PRSS21: variants seen among roughly 807,000 people sequenced by gnomAD.
The protein encoded by PRSS21 is serine protease 21, also known as testisin.
PRSS21 carries 40 observed loss-of-function variants against 31.1 expected under a neutral mutation model. The observed-to-expected ratio is 1.29, with a 90% CI of 1.00 to 1.68. PRSS21 has a LOEUF of 1.68. Among genes scored for constraint, PRSS21 ranks in the 40% most tolerant of loss-of-function variants. The pLI is 0.00. For missense variants in PRSS21, 467 were observed against 412.6 expected (o/e 1.13, Z -1.14); for synonymous variants, 186 against 167.7 (o/e 1.11, Z -0.84).
chr16:2,818,663 T>G lies in PRSS21; in HGVS notation c.258-14T>G. On this transcript the variant is annotated splice_polypyrimidine_tract_variant and intron_variant, in intron 3 of 5. Transcript: ENST00000005995. The stretch of plus-strand genomic sequence containing the variant: ...CCATCCAGGGCCCCTGACTGCTCTC[T>G]TCTCTTCTGCCAGCTATAGTGACCT... 2 of 1,612,168 alleles carry G rather than the reference T, an allele frequency of 1.2e-6. No homozygotes were observed. Among genetic ancestry groups the G allele is most frequent in the Non-Finnish European group, 1.7e-6 (2 of 1,178,594 alleles).
rs2069158344 is a variant in PRSS21 at position 2,820,797 on chromosome 16, T to C, written c.551-158T>C. Among the ~76,000 whole-genome samples, 2 of 152,130 alleles carry C rather than the reference T, an allele frequency of 1.3e-5. 1 individual carries two copies. Among genetic ancestry groups the C allele is most frequent in the South Asian group, 4.1e-4 (2 of 4,828 alleles). ...GCCTTCTGTGATGCTGCTGAGGGCC[T>C]CTGTTGTGCTGGGGTCTGGGTTGGA... is the stretch of plus-strand genomic sequence containing the variant. On this transcript the variant is annotated intron_variant, in intron 4 of 5. Coordinates refer to ENST00000005995, the MANE Select transcript of PRSS21 (RefSeq NM_006799.4).
At chr16:2,820,557 C>T (rs1427481624) in intron 4 of PRSS21, among the ~76,000 whole-genome samples, 1 of 152,130 alleles carries the variant, frequency 6.6e-6, no homozygotes, top group Non-Finnish European at 1.5e-5. Flanking sequence ...TGGAAAGCGC[C>T]CAGCTGCTAC....
At position 2,818,792 on chromosome 16, in the gene PRSS21, T is replaced by C. The variant is rs1303700000; in HGVS notation, c.373T>C (p.Tyr125His). ...CACCCGTTACTTCGTATCGAATATCTATCTGAGCCCTCGCTACCTGGGGAA... is the reference window on the plus strand; with the variant it reads ...CACCCGTTACTTCGTATCGAATATCCATCTGAGCCCTCGCTACCTGGGGAA... Reference protein sequence around the residue: ...YYTRYFVSNIYLSPRYLGNSP... With the variant: ...YYTRYFVSNIHLSPRYLGNSP... Residue 125 changes from tyrosine (Y) to histidine (H), a missense_variant, in exon 4 of 6, where the codon TAT (tyrosine) becomes CAT (histidine). By Grantham distance (83) the Tyr-to-His change is moderately conservative. Coordinates refer to ENST00000005995, the MANE Select transcript of PRSS21 (RefSeq NM_006799.4). The C allele has an allele frequency of 1.9e-6, 3 of 1,613,590 alleles. No homozygotes were observed. Among genetic ancestry groups the C allele is most frequent in the Admixed American group, 3.3e-5 (2 of 60,028 alleles).
In PRSS21 at chr16:2,818,845, G is replaced by C. The variant is rs369869948; in HGVS notation, c.426G>C (p.Lys142Asn). The C allele has an allele frequency of 9.3e-6, 15 of 1,613,970 alleles. No homozygotes were observed. Among genetic ancestry groups the C allele is most frequent in the Non-Finnish European group, 1.3e-5 (15 of 1,179,812 alleles). ...CACCCTATGACATTGCCTTGGTGAA[G>C]CTGTCTGCACCTGTCACCTACACTA... is the stretch of plus-strand genomic sequence containing the variant. ...GNSPYDIALV[K>N]LSAPVTYTKH... is the part of the protein sequence containing the mutation. Residue 142 changes from lysine (K) to asparagine (N), a missense_variant, in exon 4 of 6, where the codon AAG becomes AAC. By Grantham distance (94) the Lys-to-Asn change is moderately conservative. Coordinates refer to ENST00000005995, the MANE Select transcript of PRSS21 (RefSeq NM_006799.4).
rs2069087845 is a variant in PRSS21, at chr16:2,817,279, G to C, written c.11G>C (p.Arg4Pro). 1 of 1,535,338 alleles carries C rather than the reference G, an allele frequency of 6.5e-7. No individual in the cohort carries two copies. Among genetic ancestry groups the C allele is most frequent in the East Asian group, 2.5e-5 (1 of 40,614 alleles). Residue 4 changes from arginine to proline, a missense_variant, in exon 1 of 6, where the codon CGC becomes CCC. Arg to Pro is a moderately radical substitution (Grantham distance 103). Coordinates refer to ENST00000005995, the MANE Select transcript of PRSS21 (RefSeq NM_006799.4). The surrounding 1 kb of genome is among the most constrained non-coding windows in gnomAD (Gnocchi z 4.2). ...GCGGGAGAGGAGGCCATGGGCGCGC[G>C]CGGGGCGCTGCTGCTGGCGCTGCTG... Reference protein sequence around the residue: MGARGALLLALLLA... With the variant: MGAPGALLLALLLA...
At position 2,817,495 on chromosome 16, in the gene PRSS21, T is replaced by C. The variant is rs1596313420; in HGVS notation, c.91+39T>C. On this transcript the variant is annotated intron_variant, in intron 2 of 5. Coordinates refer to ENST00000005995, the MANE Select transcript of PRSS21 (RefSeq NM_006799.4). This position sits in a 1 kb window ranked among gnomAD's most constrained non-coding sequence, Gnocchi z 4.2. Reference sequence around the variant, plus strand: ...GACGCGCGATTCCTGCCAGGGCCGTTGGGCCGAGGTGGACGGGGGGCGGTG... The same window carrying C: ...GACGCGCGATTCCTGCCAGGGCCGTCGGGCCGAGGTGGACGGGGGGCGGTG... The C allele has an allele frequency of 7.5e-7, 1 of 1,326,700 alleles. No homozygotes were observed. Among genetic ancestry groups the C allele is most frequent in the African/African-American group, 1.8e-5 (1 of 55,700 alleles). 82.2% of individuals were successfully genotyped at this position (1,326,700 alleles called of 1,614,324 possible).
At chr16:2,819,683 A>G (rs11865057) in intron 4 of PRSS21, among the ~76,000 whole-genome samples, 1 of 152,070 alleles carries the variant, frequency 6.6e-6, no homozygotes, top group Admixed American at 6.5e-5. Context: ...ACTGTTCTAG[A>G]CATGGGGGCC....
At position 2,818,701 on chromosome 16, in the gene PRSS21, C is replaced by T. The variant is rs202062012; in HGVS notation, c.282C>T (p.Ser94=). ...FETYSDLSDP[S]GWMVQFGQLT... ...GCTATAGTGACCTTAGTGATCCCTCCGGGTGGATGGTCCAGTTTGGCCAGC... is the reference window on the plus strand; with the variant it reads ...GCTATAGTGACCTTAGTGATCCCTCTGGGTGGATGGTCCAGTTTGGCCAGC... The change falls in exon 4 of 6, where the codon TCC becomes TCT. Residue 94 remains serine, a synonymous_variant. Coordinates refer to ENST00000005995, the MANE Select transcript of PRSS21 (RefSeq NM_006799.4). The T allele has an allele frequency of 6.1e-5, 99 of 1,614,054 alleles. No homozygotes were observed. The highest frequency in any genetic ancestry group is 4.9e-4 in the Middle Eastern group (3 of 6,080).
In PRSS21 at chr16:2,821,382, C is replaced by G; in HGVS notation, c.722C>G (p.Pro241Arg). The G allele has an allele frequency of 6.2e-7, 1 of 1,614,192 alleles. No individual in the cohort carries two copies. Among genetic ancestry groups the G allele is most frequent in the Non-Finnish European group, 8.5e-7 (1 of 1,180,024 alleles). The change falls in exon 6 of 6, where the codon CCC becomes CGC. Residue 241 changes from proline (P) to arginine (R), a missense_variant. Pro to Arg is a moderately radical substitution (Grantham distance 103). Coordinates refer to ENST00000005995, the MANE Select transcript of PRSS21 (RefSeq NM_006799.4). ...GCTCCCCAGGGTGACTCAGGTGGAC[C>G]CTTGGCCTGTAACAAGAATGGACTG... ...KDACFGDSGG[P>R]LACNKNGLWY...
At chr16:2,821,273 A>C (rs2069170915) in intron 5 of PRSS21, 93 bp from the exon 6 acceptor site, 1 of 1,548,650 alleles carries the variant, frequency 6.5e-7, no homozygotes, top group South Asian at 1.2e-5. Context: ...ATGTGCACCC[A>C]GTCTACCCAG....
chr16:2,817,636 C>T lies in PRSS21; in HGVS notation c.92-165C>T, dbSNP rs967022160. 1.4e-5 allele frequency: 18 copies of T among 1,260,584 alleles called. No homozygotes were observed. The Admixed American group carries it at 3.7e-4, about 26-fold the overall frequency. The allele number at this position is 1,260,584 out of a possible 1,614,324, so 78.1% of individuals were successfully genotyped here. Reference sequence around the variant, plus strand: ...AGGGGGATGGGCGGGCCCTGCAGAGCACGTGGGAGGATCTCCAGTGTCACC... The same window carrying T: ...AGGGGGATGGGCGGGCCCTGCAGAGTACGTGGGAGGATCTCCAGTGTCACC... On this transcript the variant is annotated intron_variant, in intron 2 of 5. Coordinates refer to ENST00000005995, the MANE Select transcript of PRSS21 (RefSeq NM_006799.4). This position sits in a 1 kb window ranked among gnomAD's most constrained non-coding sequence, Gnocchi z 4.2.
In PRSS21 at chr16:2,817,751, G is replaced by T. The variant is rs1314568251; in HGVS notation, c.92-50G>T. On this transcript the variant is annotated intron_variant, in intron 2 of 5. Coordinates refer to ENST00000005995, the MANE Select transcript of PRSS21 (RefSeq NM_006799.4). The surrounding 1 kb of genome is among the most constrained non-coding windows in gnomAD (Gnocchi z 4.2). The stretch of plus-strand genomic sequence containing the variant: ...TTGAAGGGGAGAAAGGGAGAGGTCG[G>T]GCTTGGGGGGCTGCCTCCCGCGGCT... 1 of 1,536,042 alleles carries T rather than the reference G, an allele frequency of 6.5e-7. No homozygotes were observed. The highest frequency in any genetic ancestry group is 1.4e-5 in the African/African-American group (1 of 72,998).
chr16:2,817,602 G>T lies in PRSS21; in HGVS notation c.91+146G>T. The T allele has an allele frequency of 7.5e-7, 1 of 1,328,574 alleles. No homozygotes were observed. The highest frequency in any genetic ancestry group is 1.4e-5 in the South Asian group (1 of 69,544). The allele number at this position is 1,328,574 out of a possible 1,614,324, so 82.3% of individuals were successfully genotyped here. On this transcript the variant is annotated intron_variant, in intron 2 of 5. Transcript: ENST00000005995. The surrounding 1 kb of genome is among the most constrained non-coding windows in gnomAD (Gnocchi z 4.2). The stretch of plus-strand genomic sequence containing the variant: ...TCTGTTGGCGTGGAAAGTAACTAAC[G>T]GACGCTGGAGGGGGATGGGCGGGCC...
chr16:2,819,891 G>C (rs2069142338), intron 4 of PRSS21, among the ~76,000 whole-genome samples: 1 of 152,208 alleles, frequency 6.6e-6, no homozygotes, highest in Non-Finnish European at 1.5e-5. Flanking sequence ...CGGCAGTTGG[G>C]AGTGGGGAAC....
At chr16:2,821,158 C>T in intron 5 of PRSS21, 49 bp downstream of exon 5, 1 of 1,607,564 alleles carries the variant, frequency 6.2e-7, no homozygotes. Flanking sequence ...TCCTGTGTCC[C>T]TGTGCCTTAT....
At chr16:2,819,005 T>C (rs749855223) in intron 4 of PRSS21, 36 bp downstream of exon 4, 1 of 1,605,248 alleles carries the variant, frequency 6.2e-7, no homozygotes, top group Non-Finnish European at 8.5e-7. Context: ...GGAGGAACTG[T>C]CTTTGTTCAC....
intron 3 of PRSS21, 73 bp from the exon 4 acceptor site, chr16:2,818,604 A>C (rs1596314486): frequency 1.4e-6 from 2 of 1,459,964 alleles, no homozygotes; most frequent in East Asian, 2.3e-5. Context: ...CCCCTCCTGC[A>C]CTGGACCCCA....
chr16:2,817,773 G>A lies in PRSS21; in HGVS notation c.92-28G>A. 5 of 1,541,932 alleles carry A rather than the reference G, an allele frequency of 3.2e-6. No individual in the cohort carries two copies. Among genetic ancestry groups the A allele is most frequent in the Non-Finnish European group, 3.5e-6 (4 of 1,141,984 alleles). On this transcript the variant is annotated intron_variant, in intron 2 of 5. Transcript: ENST00000005995. This position sits in a 1 kb window ranked among gnomAD's most constrained non-coding sequence, Gnocchi z 4.2. ...TCGGGCTTGGGGGGCTGCCTCCCGC[G>A]GCTCAGCAGTTCCTCTGACCATCCG...
chr16:2,817,974 G>C lies in PRSS21; in HGVS notation c.257+8G>C, dbSNP rs2069108897. On this transcript the variant is annotated splice_region_variant and intron_variant, in intron 3 of 5. Coordinates refer to ENST00000005995, the MANE Select transcript of PRSS21 (RefSeq NM_006799.4). The surrounding 1 kb of genome is among the most constrained non-coding windows in gnomAD (Gnocchi z 4.2). ...GGCGCACTGCTTTGAAACGTGAGTG[G>C]GGGTGCGAACGGAGGGGTGCGGGGA... 6.5e-7 allele frequency: 1 copy of C among 1,546,272 alleles called. No individual in the cohort carries two copies. Among genetic ancestry groups the C allele is most frequent in the African/African-American group, 1.4e-5 (1 of 72,998 alleles).
Sources: allele counts gnomAD v4.1 joint callset (sites outside exome capture counted in the v4.1 genomes callset), GRCh38; gene constraint gnomAD v4.1.1; non-coding constraint Gnocchi (gnomAD v3.1); transcripts MANE v1.5; gene names NCBI Gene and HGNC (gene_info 2026-07-23, HGNC 2026-07-21).